PLEKHA5: variants seen among roughly 807,000 people sequenced by gnomAD.
The protein encoded by PLEKHA5 is pleckstrin homology domain-containing family A member 5.
PLEKHA5 carries 55 observed loss-of-function variants against 181.9 expected under a neutral mutation model. The observed-to-expected ratio is 0.30, with a 90% confidence interval of 0.24 to 0.38. PLEKHA5 has a LOEUF of 0.38. Among genes scored for constraint, PLEKHA5 ranks in the 10% least tolerant of loss-of-function variants. PLEKHA5 has a pLI of 1.00. For synonymous variants in PLEKHA5, 535 were observed against 529.4 expected (o/e 1.01, Z -0.15); for missense variants, 1,432 against 1,549.5 (o/e 0.92, Z 1.27).
At chr12:19,304,243 A>G (rs2082474217) in intron 15 of PLEKHA5, among the ~76,000 whole-genome samples, 1 of 152,142 alleles carries the variant, frequency 6.6e-6, no homozygotes, top group East Asian at 2.0e-4. Flanking sequence ...GGTCTCTACT[A>G]AAAACTCAAA....
In PLEKHA5 at chr12:19,365,706, C is replaced by T. The variant is rs539471714; in HGVS notation, c.3609-258C>T. ...AATTAAATATCATATGTAGAATCTGCTTTAAATGGTTTAGGGAGCAAGGAT... is the reference window on the plus strand; with the variant it reads ...AATTAAATATCATATGTAGAATCTGTTTTAAATGGTTTAGGGAGCAAGGAT... On this transcript the variant is annotated intron_variant, in intron 29 of 31. Transcript: ENST00000429027. 2.0e-5 allele frequency among the ~76,000 whole-genome samples: 3 copies of T among 152,174 alleles called. No individual in the cohort carries two copies. The East Asian group carries it at 5.8e-4, about 29-fold the overall frequency.
rs1306644577 is a variant in PLEKHA5 at position 19,251,272 on chromosome 12, G to A, written c.228-2668G>A. ...ATGGAAAAAATTAGCCAGGCATGGT[G>A]ACACACGCTCGTAATCCCAGCTAAC... On this transcript the variant is annotated intron_variant, in intron 3 of 31. Transcript: ENST00000429027. Among the ~76,000 whole-genome samples, 14 of 152,056 alleles carry A rather than the reference G, an allele frequency of 9.2e-5. No individual in the cohort carries two copies. In the East Asian group the frequency reaches 2.5e-3, roughly 27 times the overall value.
intron 3 of PLEKHA5, among the ~76,000 whole-genome samples, chr12:19,225,177 C>T (rs367935963): frequency 2.0e-5 from 3 of 152,168 alleles, no homozygotes; most frequent in East Asian, 3.9e-4. Context: ...ACTTTCAGTC[C>T]GCTTTCCCAA....
At chr12:19,226,933 C>T (rs1471777854) in intron 3 of PLEKHA5, among the ~76,000 whole-genome samples, 1 of 138,720 alleles carries the variant, frequency 7.2e-6, no homozygotes, top group Non-Finnish European at 1.6e-5. Flanking sequence ...GAGAATCTTT[C>T]TGGATAGCAA....
At chr12:19,252,117 ACTAT>A (rs10603079) in intron 3 of PLEKHA5, among the ~76,000 whole-genome samples, 14,267 of 152,202 alleles carry the variant, frequency 0.094, 695 homozygotes, top group South Asian at 0.14. Context: ...TTTTTTTAAA[ACTAT>A]CTATATCTTT....
At chr12:19,149,634 T>C (rs2039893242) in intron 3 of PLEKHA5, 2 of 152,480 alleles carry the variant, frequency 1.3e-5, no homozygotes, top group Non-Finnish European at 2.9e-5. Context: ...CTAGTTTCTG[T>C]GGGGCCTGCT....
At chr12:19,326,566 A>T (rs1043780507) in intron 20 of PLEKHA5, among the ~76,000 whole-genome samples, 18 of 152,168 alleles carry the variant, frequency 1.2e-4, no homozygotes, top group Admixed American at 5.9e-4. Flanking sequence ...AGTGTTCCCT[A>T]TACTTTTTAT....
chr12:19,309,994 AAAG>A (rs528356733), intron 15 of PLEKHA5, among the ~76,000 whole-genome samples: 8 of 152,256 alleles, frequency 5.3e-5, no homozygotes, highest in Non-Finnish European at 1.2e-4. Flanking sequence ...TTTAACTTAA[AAAG>A]AAAAGAAAAT....
chr12:19,221,059 G>A (rs2058859063), intron 3 of PLEKHA5, among the ~76,000 whole-genome samples: 1 of 152,164 alleles, frequency 6.6e-6, no homozygotes, highest in Non-Finnish European at 1.5e-5. Context: ...ATTGTGGTTG[G>A]AATGCAAAAT....
intron 29 of PLEKHA5, among the ~76,000 whole-genome samples, chr12:19,364,276 G>A (rs2095353711): frequency 6.6e-6 from 1 of 152,098 alleles, no homozygotes; most frequent in Admixed American, 6.6e-5. Flanking sequence ...GGGAGGCTGA[G>A]GTGGGCAGAT....
chr12:19,158,937 A>G (rs1329459060), intron 3 of PLEKHA5, among the ~76,000 whole-genome samples: 4 of 152,200 alleles, frequency 2.6e-5, no homozygotes, highest in East Asian at 3.8e-4. Flanking sequence ...AGACATCTCT[A>G]TCATCATCTC....
chr12:19,318,570 G>T (rs980115099), intron 16 of PLEKHA5, among the ~76,000 whole-genome samples: 1 of 152,068 alleles, frequency 6.6e-6, no homozygotes, highest in Admixed American at 6.6e-5. Context: ...AACACTGTCT[G>T]CTAGTTATAT....
At chr12:19,330,577 A>G (rs1238482622) in intron 20 of PLEKHA5, among the ~76,000 whole-genome samples, 5 of 147,128 alleles carry the variant, frequency 3.4e-5, no homozygotes, top group African/African-American at 9.7e-5. Context: ...TTCGTAAAAA[A>G]AAATTATTTT....
chr12:19,327,434 G>A (rs995023339), intron 20 of PLEKHA5, among the ~76,000 whole-genome samples: 9 of 151,358 alleles, frequency 5.9e-5, no homozygotes, highest in Admixed American at 3.9e-4. Context: ...TTTTAAAAGG[G>A]TTATTTGTTT....
chr12:19,262,658 A>G (rs2068863638), intron 7 of PLEKHA5, among the ~76,000 whole-genome samples: 1 of 152,228 alleles, frequency 6.6e-6, no homozygotes, highest in Non-Finnish European at 1.5e-5. Context: ...GCTTTTGATC[A>G]TATTTCAAAA....
At chr12:19,265,683 A>C in intron 7 of PLEKHA5, 67 bp from the exon 8 acceptor site, 1 of 881,544 alleles carries the variant, frequency 1.1e-6, no homozygotes, top group Non-Finnish European at 1.9e-6. Flanking sequence ...TGGCAAAAAT[A>C]GATCTTGAAA....
At chr12:19,192,759 C>T (rs183451101) in intron 3 of PLEKHA5, among the ~76,000 whole-genome samples, 1 of 152,248 alleles carries the variant, frequency 6.6e-6, no homozygotes, top group East Asian at 1.9e-4. Context: ...TAAACCTAAT[C>T]ATTAATAAGT....
intron 3 of PLEKHA5, among the ~76,000 whole-genome samples, chr12:19,145,967 A>G (rs1220840961): frequency 2.0e-5 from 3 of 152,234 alleles, no homozygotes; most frequent in East Asian, 1.9e-4. Context: ...AAAACTTACA[A>G]AAGTAATAAT....
intron 15 of PLEKHA5, among the ~76,000 whole-genome samples, chr12:19,297,758 T>G (rs889749662): frequency 6.6e-6 from 1 of 151,524 alleles, no homozygotes; most frequent in South Asian, 2.1e-4. Context: ...TTATTATTTT[T>G]TTTTTTTTTT....
Sources: allele counts gnomAD v4.1 joint callset (sites outside exome capture counted in the v4.1 genomes callset), GRCh38; gene constraint gnomAD v4.1.1; transcripts MANE v1.5; gene names NCBI Gene and HGNC (gene_info 2026-07-23, HGNC 2026-07-21).